SGCZ: variants seen among roughly 807,000 people sequenced by gnomAD.
SGCZ encodes zeta-sarcoglycan.
Under a neutral mutation model 41.3 loss-of-function variants are expected in SGCZ, and 40 were observed. The ratio of observed to expected loss-of-function variants is 0.97; its 90% CI spans 0.75 to 1.26. The LOEUF (loss-of-function observed/expected upper bound fraction) is 1.26, where lower values mean the gene tolerates loss of function less well. Among genes scored for constraint, SGCZ ranks in the 50% most tolerant of loss-of-function variants. The pLI is 0.00. For synonymous variants in SGCZ, 206 were observed against 137.5 expected (o/e 1.50, Z -3.49); for missense variants, 552 against 369.8 (o/e 1.49, Z -4.04).
intron 1 of SGCZ, among the ~76,000 whole-genome samples, chr8:14,959,457 T>A (rs940647786): frequency 6.6e-6 from 1 of 152,186 alleles, no homozygotes; most frequent in African/African-American, 2.4e-5. Flanking sequence ...AATACAATGT[T>A]GCTTATAGTA....
chr8:15,177,356 G>A (rs1800031397), intron 1 of SGCZ, among the ~76,000 whole-genome samples: 1 of 152,126 alleles, frequency 6.6e-6, no homozygotes, highest in Non-Finnish European at 1.5e-5. Context: ...GCAGCTGGTG[G>A]GCTAAAATAT....
chr8:14,473,378 T>TA (rs1488614200), intron 2 of SGCZ, among the ~76,000 whole-genome samples: 1 of 152,200 alleles, frequency 6.6e-6, no homozygotes, highest in Non-Finnish European at 1.5e-5. Context: ...TTTAATTTTG[T>TA]TATCACATTA....
At chr8:14,206,769 C>G (rs1416360465) in intron 4 of SGCZ, among the ~76,000 whole-genome samples, 2 of 152,128 alleles carry the variant, frequency 1.3e-5, no homozygotes, top group Non-Finnish European at 2.9e-5. Flanking sequence ...AATGGCCATG[C>G]CAGTTTATTC....
At chr8:14,159,560 G>C (rs1289918970) in intron 5 of SGCZ, among the ~76,000 whole-genome samples, 1 of 152,092 alleles carries the variant, frequency 6.6e-6, no homozygotes, top group Non-Finnish European at 1.5e-5. Context: ...TTTTCAGTAA[G>C]TTCAAAAAGC....
At chr8:14,276,515 C>T (rs1374682254) in intron 3 of SGCZ, among the ~76,000 whole-genome samples, 2 of 152,104 alleles carry the variant, frequency 1.3e-5, no homozygotes, top group African/African-American at 4.8e-5. Flanking sequence ...CAAATAGTAC[C>T]TCAACTGTTA....
rs184325862 is a variant in SGCZ, at chr8:14,928,445, T to C, written c.39+309140A>G. On this transcript the variant is annotated intron_variant, in intron 1 of 7. Transcript: ENST00000382080. ...AGGTTAAAACTACTATAAAACGCGA[T>C]GACAATATAATAAAATAGGAAGTAT... Among the ~76,000 whole-genome samples, 16 of 152,254 alleles carry C rather than the reference T, an allele frequency of 1.1e-4. No individual in the cohort carries two copies. In the South Asian group the frequency reaches 3.1e-3, roughly 30 times the overall value.
chr8:14,125,499 G>C (rs113475411), intron 5 of SGCZ, among the ~76,000 whole-genome samples: 3,083 of 114,748 alleles, frequency 0.027, 133 homozygotes, highest in African/African-American at 0.11. Context: ...GAAAGATTCC[G>C]TCTCAAAAAA....
intron 1 of SGCZ, among the ~76,000 whole-genome samples, chr8:14,727,763 C>T (rs887887114): frequency 1.3e-5 from 2 of 152,100 alleles, no homozygotes; most frequent in Admixed American, 6.5e-5. Context: ...CCACCCGCCT[C>T]GGCCTCCCAA....
intron 3 of SGCZ, among the ~76,000 whole-genome samples, chr8:14,302,090 A>C (rs991974602): frequency 2.0e-5 from 3 of 152,156 alleles, no homozygotes; most frequent in African/African-American, 4.8e-5. Flanking sequence ...TTACAACTTA[A>C]AGGTGCATGC....
chr8:14,298,080 A>G (rs893949096), intron 3 of SGCZ, among the ~76,000 whole-genome samples: 1 of 152,038 alleles, frequency 6.6e-6, no homozygotes, highest in African/African-American at 2.4e-5. Flanking sequence ...ATAATTCATA[A>G]TATTACAGAT....
chr8:14,895,264 G>A (rs527512254), intron 1 of SGCZ, among the ~76,000 whole-genome samples: 1 of 152,148 alleles, frequency 6.6e-6, no homozygotes, highest in Middle Eastern at 3.4e-3. Context: ...GTAATCTTGG[G>A]TACATTACCT....
At chr8:14,951,529 G>T (rs945342138) in intron 1 of SGCZ, among the ~76,000 whole-genome samples, 11 of 151,922 alleles carry the variant, frequency 7.2e-5, no homozygotes, top group South Asian at 2.1e-4. Flanking sequence ...AAATGCAGCT[G>T]TAATATGTCA....
intron 1 of SGCZ, among the ~76,000 whole-genome samples, chr8:14,714,906 A>G (rs1809638256): frequency 6.6e-6 from 1 of 152,136 alleles, no homozygotes; most frequent in Non-Finnish European, 1.5e-5. Flanking sequence ...AAATTAAATC[A>G]ATGTGAGACT....
At chr8:14,828,852 T>A (rs1383648677) in intron 1 of SGCZ, among the ~76,000 whole-genome samples, 1 of 152,072 alleles carries the variant, frequency 6.6e-6, no homozygotes, top group Non-Finnish European at 1.5e-5. Context: ...TAACAATGCT[T>A]CCACTCATTT....
intron 2 of SGCZ, among the ~76,000 whole-genome samples, chr8:14,349,079 A>G (rs1802996787): frequency 6.6e-6 from 1 of 152,130 alleles, no homozygotes; most frequent in African/African-American, 2.4e-5. Flanking sequence ...ACAACATTGT[A>G]AATTGTGGGT....
At chr8:14,767,231 T>C (rs934704966) in intron 1 of SGCZ, among the ~76,000 whole-genome samples, 3 of 152,156 alleles carry the variant, frequency 2.0e-5, no homozygotes, top group African/African-American at 4.8e-5. Context: ...AGTAGCCTAC[T>C]TTTCCCCCTC....
intron 4 of SGCZ, among the ~76,000 whole-genome samples, chr8:14,166,490 G>A (rs145258371): frequency 6.6e-6 from 1 of 152,020 alleles, no homozygotes; most frequent in Non-Finnish European, 1.5e-5. Flanking sequence ...TTACTCTGAG[G>A]GACCCAGGCA....
intron 1 of SGCZ, among the ~76,000 whole-genome samples, chr8:14,732,066 A>T (rs1798873372): frequency 6.6e-6 from 1 of 152,226 alleles, no homozygotes. Context: ...TCTCTTTAGA[A>T]ATAATATTGC....
chr8:15,149,604 T>C (rs1376428134), intron 1 of SGCZ, among the ~76,000 whole-genome samples: 4 of 151,966 alleles, frequency 2.6e-5, no homozygotes, highest in Admixed American at 2.6e-4. Flanking sequence ...TGAAATATCA[T>C]TTATCACTTA....
Sources: allele counts gnomAD v4.1 joint callset (sites outside exome capture counted in the v4.1 genomes callset), GRCh38; gene constraint gnomAD v4.1.1; transcripts MANE v1.5; gene names NCBI Gene and HGNC (gene_info 2026-07-23, HGNC 2026-07-21).